TENM4: variants seen among roughly 807,000 people sequenced by gnomAD.
TENM4 encodes teneurin-4.
Under a neutral mutation model 243.3 loss-of-function variants are expected in TENM4, and 82 were observed. That is an observed-to-expected ratio of 0.34 (90% CI 0.28 to 0.40). The LOEUF (loss-of-function observed/expected upper bound fraction) is 0.40. TENM4 is among the 10% of genes least tolerant of loss of function. The probability of loss-of-function intolerance (pLI) is 1.00; values close to 1 mark genes in which losing one functional copy is unlikely to be tolerated. For missense variants in TENM4, 3,138 were observed against 3,673.3 expected, an observed-to-expected ratio of 0.85 and a Z score of 3.77; for synonymous variants, 1,412 against 1,456.3, an observed-to-expected ratio of 0.97 and a Z score of 0.69.
chr11:79,232,765 T>G (rs1864395291), intron 2 of TENM4, among the ~76,000 whole-genome samples: 1 of 152,198 alleles, frequency 6.6e-6, no homozygotes, highest in African/African-American at 2.4e-5. Context: ...GCTGTTTGGA[T>G]AGATCCTCAG....
In TENM4 at chr11:78,656,486, C is replaced by T. The variant is rs1245332282; in HGVS notation, c.*1572G>A. 2.0e-5 allele frequency: 3 copies of T among 152,540 alleles called. No homozygotes were observed. The highest frequency in any genetic ancestry group is 2.9e-5 in the Non-Finnish European group (2 of 68,298). 9.4% of individuals were successfully genotyped at this position (152,540 alleles called of 1,614,324 possible). A position where few individuals can be genotyped will look rare whatever the true frequency, so the allele number is the denominator to read the frequency against. ...GGGGCTCCCAGCTCTGGCTGTGACTCCCCCTGCCCTCACTGCTCCCCCAGC... is the reference window on the plus strand; with the variant it reads ...GGGGCTCCCAGCTCTGGCTGTGACTTCCCCTGCCCTCACTGCTCCCCCAGC... On this transcript the variant is annotated 3_prime_UTR_variant, in exon 34 of 34. Coordinates refer to ENST00000278550, the MANE Select transcript of TENM4 (RefSeq NM_001098816.3).
At chr11:78,899,280 C>G (rs535368093) in intron 7 of TENM4, among the ~76,000 whole-genome samples, 3 of 151,920 alleles carry the variant, frequency 2.0e-5, no homozygotes. Flanking sequence ...GATGTTTGTC[C>G]CCCCAAAGCT....
chr11:78,821,703 G>C (rs953904244), intron 12 of TENM4, among the ~76,000 whole-genome samples: 2 of 152,204 alleles, frequency 1.3e-5, no homozygotes, highest in East Asian at 1.9e-4. Flanking sequence ...TGAAAATTCA[G>C]CTTACTAAGG....
intron 28 of TENM4, among the ~76,000 whole-genome samples, chr11:78,700,184 T>G (rs1402052874): frequency 2.0e-5 from 3 of 152,070 alleles, no homozygotes; most frequent in African/African-American, 7.3e-5. Context: ...CTTTAAAGAG[T>G]CAGGTTCATT....
chr11:78,938,603 A>G (rs1856832627), intron 6 of TENM4, among the ~76,000 whole-genome samples: 1 of 152,202 alleles, frequency 6.6e-6, no homozygotes, highest in East Asian at 1.9e-4. Flanking sequence ...TTGAAAAAAT[A>G]ATATTTTAAT....
chr11:79,082,407 G>A (rs1860698780), intron 4 of TENM4, among the ~76,000 whole-genome samples: 1 of 152,164 alleles, frequency 6.6e-6, no homozygotes, highest in Non-Finnish European at 1.5e-5. Context: ...GGCTTGGGGG[G>A]TTGTGACTGG....
chr11:78,925,067 G>C (rs1856525347), intron 6 of TENM4, among the ~76,000 whole-genome samples: 1 of 152,156 alleles, frequency 6.6e-6, no homozygotes, highest in South Asian at 2.1e-4. Context: ...GTTTCTTTCT[G>C]TTCTTATTTG....
intron 7 of TENM4, among the ~76,000 whole-genome samples, chr11:78,898,295 T>C (rs760803245): frequency 6.6e-6 from 1 of 152,264 alleles, no homozygotes; most frequent in Admixed American, 6.5e-5. Flanking sequence ...CCTGCTAGCC[T>C]TTCTTTTTCT....
chr11:78,839,018 CTG>C (rs887595976), intron 12 of TENM4, among the ~76,000 whole-genome samples: 4 of 152,134 alleles, frequency 2.6e-5, no homozygotes, highest in Non-Finnish European at 5.9e-5. Flanking sequence ...TTACATGTAA[CTG>C]GTAATATTTG....
At chr11:79,109,726 A>G (rs558265927) in intron 4 of TENM4, among the ~76,000 whole-genome samples, 17 of 152,330 alleles carry the variant, frequency 1.1e-4, no homozygotes, top group Admixed American at 5.9e-4. Flanking sequence ...CAAATCACAG[A>G]CACTCAGATA....
intron 4 of TENM4, among the ~76,000 whole-genome samples, chr11:79,111,106 G>A (rs1861493933): frequency 6.6e-6 from 1 of 152,158 alleles, no homozygotes; most frequent in African/African-American, 2.4e-5. Flanking sequence ...CAGTGAGTAA[G>A]TCTAACAAGA....
chr11:78,866,136 C>T (rs1218799765), intron 9 of TENM4, among the ~76,000 whole-genome samples: 1 of 152,212 alleles, frequency 6.6e-6, no homozygotes, highest in Non-Finnish European at 1.5e-5. Context: ...TGCCTGGAAG[C>T]AGTGAATATT....
intron 4 of TENM4, among the ~76,000 whole-genome samples, chr11:79,131,926 G>C (rs921137780): frequency 6.6e-6 from 1 of 152,082 alleles, no homozygotes; most frequent in Non-Finnish European, 1.5e-5. Context: ...AGCAACAGAA[G>C]TTAAAAGAGA....
At chr11:79,380,066 C>T (rs1337218929) in intron 1 of TENM4, among the ~76,000 whole-genome samples, 1 of 152,106 alleles carries the variant, frequency 6.6e-6, no homozygotes, top group East Asian at 1.9e-4. Flanking sequence ...CAGAGAGAAG[C>T]AGGACAATTG....
Position 78,805,371 on chromosome 11 carries a change from A to C in TENM4, c.2100T>G (p.Cys700Trp). The C allele has an allele frequency of 6.6e-7, 1 of 1,506,490 alleles. No homozygotes were observed. The highest frequency in any genetic ancestry group is 8.9e-7 in the Non-Finnish European group (1 of 1,129,716). 93.3% of individuals were successfully genotyped at this position (1,506,490 alleles called of 1,614,324 possible). A position where few individuals can be genotyped will look rare whatever the true frequency, so the allele number is the denominator to read the frequency against. The change falls in exon 15 of 34, where the codon TGT becomes TGG. Residue 700 changes from cysteine (C) to tryptophan (W), a missense_variant. Physicochemically the swap from Cys to Trp is radical, Grantham distance 215 (BLOSUM62 -2). Around this residue, in one of 2 missense-constraint regions of TENM4, gnomAD observed 2,467 missense variants for 3,059.1 expected, o/e 0.81. Coordinates refer to ENST00000278550, the MANE Select transcript of TENM4 (RefSeq NM_001098816.3). ...CCGGGAGGAAGGTTCCGTGGCCTGA[A>C]CACTGGTCTAAGCATGTGGCCCTGG... ...ETPRATCLDQ[C>W]SGHGTFLPDT...
intron 1 of TENM4, among the ~76,000 whole-genome samples, chr11:79,325,573 G>A (rs1352650625): frequency 1.3e-5 from 2 of 152,166 alleles, no homozygotes; most frequent in Non-Finnish European, 2.9e-5. Flanking sequence ...CCTGTCAAAT[G>A]CCTCTCTGTC....
At chr11:79,320,180 G>A (rs1049292658) in intron 1 of TENM4, among the ~76,000 whole-genome samples, 4 of 152,274 alleles carry the variant, frequency 2.6e-5, no homozygotes, top group Admixed American at 1.3e-4. Context: ...GGATGCAAGC[G>A]TTTGCACTCA....
At chr11:79,089,146 T>A (rs1384629749) in intron 4 of TENM4, among the ~76,000 whole-genome samples, 2 of 152,194 alleles carry the variant, frequency 1.3e-5, no homozygotes, top group East Asian at 3.9e-4. Flanking sequence ...TGCAGGCCTG[T>A]GCTCTCTGGG....
Position 79,032,159 on chromosome 11 carries a change from T to C in TENM4, c.493+32579A>G, listed in dbSNP as rs563180024. 3.9e-5 allele frequency among the ~76,000 whole-genome samples: 6 copies of C among 152,290 alleles called. No homozygotes were observed. The East Asian group carries it at 1.2e-3, about 29-fold the overall frequency. Reference sequence around the variant, plus strand: ...GATAACTACCATCTTGTACTTTTGTTCCTTAAAACTGATGACAGGGGTTTG... The same window carrying C: ...GATAACTACCATCTTGTACTTTTGTCCCTTAAAACTGATGACAGGGGTTTG... On this transcript the variant is annotated intron_variant, in intron 6 of 33. Transcript: ENST00000278550.
Sources: allele counts gnomAD v4.1 joint callset (sites outside exome capture counted in the v4.1 genomes callset), GRCh38; gene constraint gnomAD v4.1.1; regional missense constraint gnomAD v4.1.1; transcripts MANE v1.5; gene names NCBI Gene and HGNC (gene_info 2026-07-23, HGNC 2026-07-21).